COPG2: variants seen among roughly 807,000 people sequenced by gnomAD.
The protein encoded by COPG2 is coatomer subunit gamma-2.
COPG2 carries 37 observed loss-of-function variants against 46.3 expected under a neutral mutation model. That is an observed-to-expected ratio of 0.80 (90% CI 0.61 to 1.05). The LOEUF (loss-of-function observed/expected upper bound fraction) is 1.05. Ranked by LOEUF, COPG2 falls within the 50% of genes least tolerant of loss-of-function variation. COPG2 has a pLI of 0.00. For missense variants in COPG2, 427 were observed against 387.8 expected, an observed-to-expected ratio of 1.10 and a Z score of -0.85; for synonymous variants, 159 against 129.7, an observed-to-expected ratio of 1.23 and a Z score of -1.53.
intron 20 of COPG2, among the ~76,000 whole-genome samples, chr7:130,515,544 G>A (rs1799671711): frequency 6.6e-6 from 1 of 152,186 alleles, no homozygotes; most frequent in Non-Finnish European, 1.5e-5. Context: ...CTGGGGTAAG[G>A]CCCTGCAGCT....
chr7:130,534,135 G>A (rs1799856983), intron 20 of COPG2, among the ~76,000 whole-genome samples: 1 of 152,108 alleles, frequency 6.6e-6, no homozygotes, highest in Admixed American at 6.5e-5. Flanking sequence ...CATAAGAGCA[G>A]AGCAGATCGA....
chr7:130,572,078 T>C (rs1793915265), intron 9 of COPG2, among the ~76,000 whole-genome samples: 1 of 151,808 alleles, frequency 6.6e-6, no homozygotes, highest in African/African-American at 2.4e-5. Flanking sequence ...ACAATGGATT[T>C]TGGGGACTTG....
chr7:130,585,120 C>A (rs182787605), intron 9 of COPG2, among the ~76,000 whole-genome samples: 11 of 152,112 alleles, frequency 7.2e-5, no homozygotes, highest in African/African-American at 2.6e-4. Context: ...AAAACAGGCA[C>A]ATAGGCCAAT....
At chr7:130,607,660 T>C (rs12706946) in intron 9 of COPG2, 253,230 of 516,990 alleles carry the variant, frequency 0.49, 66,812 homozygotes, top group East Asian at 0.6. Context: ...GTGATTTTTG[T>C]AGAGTTTAAA....
At chr7:130,586,233 T>G (rs1049029321) in intron 9 of COPG2, among the ~76,000 whole-genome samples, 2 of 151,994 alleles carry the variant, frequency 1.3e-5, no homozygotes, top group African/African-American at 4.8e-5. Context: ...AACCAAACAT[T>G]GTATGTTCTC....
At chr7:130,596,724 C>T (rs903893881) in intron 9 of COPG2, among the ~76,000 whole-genome samples, 2 of 152,202 alleles carry the variant, frequency 1.3e-5, no homozygotes, top group Non-Finnish European at 2.9e-5. Context: ...CCACCAGTAT[C>T]ATCTTTATGG....
chr7:130,510,821 T>A, intron 20 of COPG2: 3 of 466,384 alleles, frequency 6.4e-6, no homozygotes, highest in Non-Finnish European at 1.3e-5. Context: ...CTGGAGAGGA[T>A]GACGAAATGG....
At chr7:130,649,431 C>G (rs989779299) in intron 5 of COPG2, among the ~76,000 whole-genome samples, 2 of 152,176 alleles carry the variant, frequency 1.3e-5, no homozygotes, top group African/African-American at 4.8e-5. Flanking sequence ...TAGGCCATAA[C>G]TAGGCCATAA....
intron 9 of COPG2, chr7:130,604,634 C>G: frequency 2.2e-6 from 1 of 458,806 alleles, no homozygotes; most frequent in Non-Finnish European, 4.3e-6. Flanking sequence ...AGTGTTACGT[C>G]CTCCTTTCAA....
chr7:130,609,517 G>A (rs1554451718), intron 9 of COPG2, among the ~76,000 whole-genome samples: 1 of 152,140 alleles, frequency 6.6e-6, no homozygotes, highest in Non-Finnish European at 1.5e-5. Flanking sequence ...TTTGTAAATT[G>A]CCCAGTCTCG....
At chr7:130,527,869 G>C (rs1799788686) in intron 20 of COPG2, among the ~76,000 whole-genome samples, 1 of 152,102 alleles carries the variant, frequency 6.6e-6, no homozygotes, top group Non-Finnish European at 1.5e-5. Context: ...CGGTGGTGCA[G>C]CTGGGGTTTC....
chr7:130,612,088 C>G, intron 8 of COPG2, 64 bp downstream of exon 8: 2 of 1,117,168 alleles, frequency 1.8e-6, no homozygotes, highest in Non-Finnish European at 1.3e-6. Context: ...GATACACTGC[C>G]CCTACAATAC....
chr7:130,513,308 A>AAATATATATAT (rs1236511164), intron 20 of COPG2, among the ~76,000 whole-genome samples: 2 of 55,672 alleles, frequency 3.6e-5, no homozygotes, highest in South Asian at 7.1e-4. Flanking sequence ...AAAAAAAAAA[A>AAATATATATAT]ATATATATAT....
At chr7:130,561,825 G>T (rs947688713) in intron 11 of COPG2, among the ~76,000 whole-genome samples, 4 of 152,172 alleles carry the variant, frequency 2.6e-5, no homozygotes, top group Non-Finnish European at 5.9e-5. Context: ...AGCAAAACAT[G>T]ACCCAAACTA....
In COPG2 at chr7:130,591,572, C is replaced by G. The variant is rs1310733916; in HGVS notation, c.737+19381G>C. On this transcript the variant is annotated intron_variant, in intron 9 of 23. Transcript: ENST00000425248. ...CTGGGAAGTGAGGAGCCCCTCTGCCCGGCCAGCCGCCCCGTCCGGGAAGGA... is the reference window on the plus strand; with the variant it reads ...CTGGGAAGTGAGGAGCCCCTCTGCCGGGCCAGCCGCCCCGTCCGGGAAGGA... Among the ~76,000 whole-genome samples, 4 of 133,312 alleles carry G rather than the reference C, an allele frequency of 3.0e-5. No homozygotes were observed. In the East Asian group the frequency reaches 9.4e-4, roughly 31 times the overall value. The allele number at this position is 133,312 out of a possible 152,430, so 87.5% of individuals were successfully genotyped here. A position where few individuals can be genotyped will look rare whatever the true frequency, so the allele number is the denominator to read the frequency against.
At chr7:130,589,357 C>T (rs1295856902) in intron 9 of COPG2, among the ~76,000 whole-genome samples, 2 of 151,758 alleles carry the variant, frequency 1.3e-5, no homozygotes, top group Admixed American at 6.6e-5. Context: ...GGTGTGATCA[C>T]AGCTCAATGC....
At chr7:130,596,583 C>T (rs1794530549) in intron 9 of COPG2, among the ~76,000 whole-genome samples, 1 of 152,172 alleles carries the variant, frequency 6.6e-6, no homozygotes, top group Admixed American at 6.5e-5. Flanking sequence ...CCAGGGACAC[C>T]TGGACACCAA....
At chr7:130,534,030 T>A (rs1438889321) in intron 20 of COPG2, among the ~76,000 whole-genome samples, 1 of 151,164 alleles carries the variant, frequency 6.6e-6, no homozygotes, top group African/African-American at 2.4e-5. Flanking sequence ...GGAACCAACA[T>A]GGAAAACAGG....
At chr7:130,641,388 A>G (rs545365921) in intron 5 of COPG2, among the ~76,000 whole-genome samples, 6 of 152,106 alleles carry the variant, frequency 3.9e-5, no homozygotes, top group Admixed American at 6.6e-5. Flanking sequence ...ACTGATATGA[A>G]CCCTAGGGAA....
Sources: allele counts gnomAD v4.1 joint callset (sites outside exome capture counted in the v4.1 genomes callset), GRCh38; gene constraint gnomAD v4.1.1; transcripts MANE v1.5; gene names NCBI Gene and HGNC (gene_info 2026-07-23, HGNC 2026-07-21).